Variants in TEPSIN observed in about 807,000 individuals in gnomAD.
The protein encoded by TEPSIN is TEPSIN adaptor related protein complex 4 accessory protein.
In TEPSIN, 50 loss-of-function variants were observed where a neutral mutation model predicts 48.5. The ratio of observed to expected loss-of-function variants is 1.03; its 90% CI spans 0.82 to 1.31. TEPSIN has a LOEUF of 1.31. TEPSIN is among the 50% of genes most tolerant of loss of function. The probability of loss-of-function intolerance (pLI) is 0.00; values close to 1 mark genes in which losing one functional copy is unlikely to be tolerated. For synonymous variants in TEPSIN, 392 were observed against 358.8 expected, an observed-to-expected ratio of 1.09 and a Z score of -1.05; for missense variants, 838 against 815.9, an observed-to-expected ratio of 1.03 and a Z score of -0.33.
chr17:81,229,685 C>G, intron 12 of TEPSIN: 1 of 602,390 alleles, frequency 1.7e-6, no homozygotes. Context: ...GCTGGCGACA[C>G]GGGGCAGGTG....
intron 2 of TEPSIN, 123 bp downstream of exon 2, chr17:81,237,264 G>A (rs1017484113): frequency 4.8e-5 from 62 of 1,293,040 alleles, no homozygotes; most frequent in Middle Eastern, 3.6e-4. Context: ...CCCATGCCTG[G>A]TTACAATAAT....
intron 4 of TEPSIN, among the ~76,000 whole-genome samples, chr17:81,236,117 C>G (rs1467142413): frequency 1.3e-5 from 2 of 152,238 alleles, no homozygotes; most frequent in Admixed American, 6.5e-5. Flanking sequence ...CAAGCCCCCA[C>G]AAGTCCTCAT....
Position 81,229,322 on chromosome 17 carries a change from C to T in TEPSIN, c.1388G>A (p.Ser463Asn). Residue 463 changes from serine to asparagine, a missense_variant, in exon 13 of 13, where the codon AGT becomes AAT. Physicochemically the swap from Ser to Asn is conservative, Grantham distance 46. Transcript: ENST00000637944. The part of the protein sequence containing the change: ...PGSQVFLQPL[S>N]STPVSSRSPA... ...GCTCCGGGACGAGACCGGGGTTGAA[C>T]TCAGAGGCTGCAGGAAGACCTGGCT... 11 of 1,570,478 alleles carry T rather than the reference C, an allele frequency of 7.0e-6. No homozygotes were observed. Among genetic ancestry groups the T allele is most frequent in the Non-Finnish European group, 8.6e-6 (10 of 1,157,782 alleles).
intron 1 of TEPSIN, chr17:81,238,270 G>A (rs1396735559): frequency 5.7e-6 from 4 of 696,296 alleles, no homozygotes; most frequent in East Asian, 2.6e-4. Flanking sequence ...GAGGTTTGCA[G>A]GTGACAGCTG....
chr17:81,229,206 C>T lies in TEPSIN; in HGVS notation c.1504G>A (p.Ala502Thr). 2 of 1,608,198 alleles carry T rather than the reference C, an allele frequency of 1.2e-6. No individual in the cohort carries two copies. Among genetic ancestry groups the T allele is most frequent in the Non-Finnish European group, 8.5e-7 (1 of 1,178,336 alleles). The change falls in exon 13 of 13, where the codon GCC (alanine) becomes ACC (threonine). Residue 502 changes from alanine to threonine, a missense_variant. Transcript: ENST00000637944. ...PIPAPGDPSE[A>T]EARLAESRRW... ...CTGCTTTCTGCCAGTCTGGCCTCGG[C>T]CTCGCTGGGGTCTCCGGGGGCTGGA... is the stretch of plus-strand genomic sequence containing the variant.
intron 1 of TEPSIN, 89 bp from the exon 2 acceptor site, chr17:81,237,548 C>T (rs2062746655): frequency 6.8e-6 from 9 of 1,322,740 alleles, no homozygotes; most frequent in Non-Finnish European, 9.3e-6. Flanking sequence ...GGAAACGACC[C>T]ACCTCTCACT....
chr17:81,233,705 GC>G lies in TEPSIN; in HGVS notation c.386del (p.Ser129ThrfsTer92), dbSNP rs747027157. 1.9e-6 allele frequency: 3 copies of G among 1,598,682 alleles called. No individual in the cohort carries two copies. The highest frequency in any genetic ancestry group is 2.6e-6 in the Non-Finnish European group (3 of 1,174,972). On this transcript the variant is annotated frameshift_variant, in exon 6 of 13. Transcript: ENST00000637944. LOFTEE classifies it high-confidence loss of function. The surrounding 1 kb of genome is among the most constrained non-coding windows in gnomAD (Gnocchi z 5.8). ...GCAACACGGTGTCCGAGAACAGGGT[GC>G]TCCCCAAGTCCTACAGGGGGAGGCG... ...KVRAAAQDLG[S>X]TLFSDTVLPL... is the part of the protein sequence containing the mutation.
chr17:81,231,675 G>A lies in TEPSIN; in HGVS notation c.922C>T (p.Leu308=), dbSNP rs763595844. Residue 308 remains leucine (L), a synonymous_variant, in exon 10 of 13, where the codon CTG becomes TTG. Coordinates refer to ENST00000637944, the MANE Select transcript of TEPSIN (RefSeq NM_001363764.2). ...CTCAACTCCTGCTGACAGTCACTCA[G>A]GGCCACCACCTCGACCCTGCCAGGG... The part of the protein sequence containing the change: ...DLAERVEVVA[L]SDCQQELSLV... 1.3e-5 allele frequency: 21 copies of A among 1,612,286 alleles called. 1 individual carries two copies. In the Middle Eastern group the frequency reaches 4.9e-4, roughly 38 times the overall value.
chr17:81,238,285 C>G, intron 1 of TEPSIN: 1 of 516,588 alleles, frequency 1.9e-6, no homozygotes, highest in Non-Finnish European at 2.5e-6. Context: ...CAGCTGACAA[C>G]TGCAGAACGC....
chr17:81,229,358 G>A lies in TEPSIN; in HGVS notation c.1352C>T (p.Pro451Leu). 1 of 1,561,698 alleles carries A rather than the reference G, an allele frequency of 6.4e-7. No homozygotes were observed. The highest frequency in any genetic ancestry group is 8.7e-7 in the Non-Finnish European group (1 of 1,153,276). ...GPSDLLTDAV[P>L]LPGSQVFLQP... is the part of the protein sequence containing the mutation. ...CAGGAAGACCTGGCTCCCAGGGAGA[G>A]GCACAGCGTCGGTCAGCAGGTCAGA... Residue 451 changes from proline to leucine, a missense_variant, in exon 13 of 13, where the codon CCT (proline) becomes CTT (leucine). Coordinates refer to ENST00000637944, the MANE Select transcript of TEPSIN (RefSeq NM_001363764.2).
chr17:81,237,699 G>C (rs1327429985), intron 1 of TEPSIN: 1 of 578,922 alleles, frequency 1.7e-6, no homozygotes, highest in African/African-American at 1.9e-5. Flanking sequence ...TCTCCACGGA[G>C]GAGCTGCGCC....
Position 81,234,138 on chromosome 17 carries a change from TG to T in TEPSIN, c.308-91del, listed in dbSNP as rs2062679307. 12 of 1,241,960 alleles carry T rather than the reference TG, an allele frequency of 9.7e-6. No individual in the cohort carries two copies. Among genetic ancestry groups the T allele is most frequent in the Non-Finnish European group, 1.1e-6 (1 of 923,714 alleles). 76.9% of individuals were successfully genotyped at this position (1,241,960 alleles called of 1,614,324 possible). A position where few individuals can be genotyped will look rare whatever the true frequency, so the allele number is the denominator to read the frequency against. ...ACGGTGCCCTGGGCCCACTCCAGGG[TG>T]GCAAGTTCCTGCCACCAAGGCCCTT... On this transcript the variant is annotated intron_variant, in intron 4 of 12. Transcript: ENST00000637944. The surrounding 1 kb of genome is among the most constrained non-coding windows in gnomAD (Gnocchi z 5.4).
Position 81,233,047 on chromosome 17 carries a change from C to A in TEPSIN, c.526+385G>T, listed in dbSNP as rs922026376. On this transcript the variant is annotated intron_variant, in intron 7 of 12. Coordinates refer to ENST00000637944, the MANE Select transcript of TEPSIN (RefSeq NM_001363764.2). This position sits in a 1 kb window ranked among gnomAD's most constrained non-coding sequence, Gnocchi z 5.8. ...GTGGTGCCACCTGTGGCTCTCCTGG[C>A]GCTGGTGAGCAGTTGTCCACTGGTA... is the stretch of plus-strand genomic sequence containing the variant. 5 of 285,696 alleles carry A rather than the reference C, an allele frequency of 1.8e-5. No individual in the cohort carries two copies. The highest frequency in any genetic ancestry group is 2.0e-3 in the Middle Eastern group (2 of 992). The allele number at this position is 285,696 out of a possible 1,614,324, so 17.7% of individuals were successfully genotyped here.
At chr17:81,237,882 G>T in intron 1 of TEPSIN, 1 of 777,018 alleles carries the variant, frequency 1.3e-6, no homozygotes, top group Non-Finnish European at 1.6e-6. Flanking sequence ...CCAGAGGCCG[G>T]AATGGCAGAG....
chr17:81,233,425 C>G lies in TEPSIN; in HGVS notation c.526+7G>C, dbSNP rs750136632. 2 of 1,610,258 alleles carry G rather than the reference C, an allele frequency of 1.2e-6. No individual in the cohort carries two copies. The highest frequency in any genetic ancestry group is 1.7e-5 in the Admixed American group (1 of 59,844). On this transcript the variant is annotated splice_region_variant and intron_variant, in intron 7 of 12. Transcript: ENST00000637944. This position sits in a 1 kb window ranked among gnomAD's most constrained non-coding sequence, Gnocchi z 5.8. ...TGCCAGAGCCCATGCAGGCCCTCCC[C>G]ACTCACCCGTGCGGCCGTGTTCCTT...
chr17:81,229,144 G>C lies in TEPSIN; in HGVS notation c.1566C>G (p.Asp522Glu), dbSNP rs2062528979. 3 of 1,612,868 alleles carry C rather than the reference G, an allele frequency of 1.9e-6. No homozygotes were observed. The change falls in exon 13 of 13, where the codon GAC becomes GAG. Residue 522 changes from aspartate to glutamate, a missense_variant. Asp to Glu is a conservative substitution (Grantham distance 45, BLOSUM62 2). Transcript: ENST00000637944. Reference sequence around the variant, plus strand: ...AGCTGCTGGGGCCTCTCTTTGGGCTGTCCGTGCCCCCTGGGATCCGTTCAG... The same window carrying C: ...AGCTGCTGGGGCCTCTCTTTGGGCTCTCCGTGCCCCCTGGGATCCGTTCAG... ...WRPERIPGGT[D>E]SPKRGPSSCA...
At chr17:81,237,576 G>A in intron 1 of TEPSIN, 117 bp from the exon 2 acceptor site, 3 of 1,086,566 alleles carry the variant, frequency 2.8e-6, no homozygotes, top group South Asian at 3.2e-5. Context: ...TGGCCGGAGA[G>A]AGGACTGGGA....
intron 2 of TEPSIN, 137 bp downstream of exon 2, chr17:81,237,250 C>T (rs2146853216): frequency 8.1e-7 from 1 of 1,229,190 alleles, no homozygotes; most frequent in East Asian, 2.5e-5. Flanking sequence ...GCCTTCAGAC[C>T]CCACCCATGC....
intron 4 of TEPSIN, 106 bp downstream of exon 4, chr17:81,236,602 G>T: frequency 1.7e-6 from 2 of 1,199,556 alleles, no homozygotes; most frequent in South Asian, 1.4e-5. Context: ...CCCGGCCCAG[G>T]TGAGGGCTCT....
Sources: gnomAD v4.1 joint callset for allele counts (sites outside exome capture counted in the v4.1 genomes callset) on GRCh38, gnomAD v4.1.1 for gene constraint, Gnocchi (gnomAD v3.1) non-coding constraint, MANE v1.5 for transcripts, NCBI Gene and HGNC (gene_info 2026-07-23, HGNC 2026-07-21) for gene names.